Variants in PADI1 observed in about 807,000 individuals in gnomAD.
PADI1 encodes the protein peptidyl arginine deiminase 1.
PADI1 carries 65 observed loss-of-function variants against 74.8 expected under a neutral mutation model. The observed-to-expected ratio is 0.87, with a 90% CI of 0.71 to 1.07. PADI1 has a LOEUF of 1.07. Among genes scored for constraint, PADI1 ranks in the 50% least tolerant of loss-of-function variants. The probability of loss-of-function intolerance (pLI) is 0.00; values close to 1 mark genes in which losing one functional copy is unlikely to be tolerated. For synonymous variants in PADI1, 371 were observed against 336.2 expected, an observed-to-expected ratio of 1.10 and a Z score of -1.13; for missense variants, 943 against 854.0, an observed-to-expected ratio of 1.10 and a Z score of -1.30.
chr1:17,215,213 C>T (rs2071943371), intron 1 of PADI1, among the ~76,000 whole-genome samples: 1 of 152,140 alleles, frequency 6.6e-6, no homozygotes, highest in Non-Finnish European at 1.5e-5. Context: ...GAGGGAGACA[C>T]TGAGACCAGG....
chr1:17,205,915 G>A (rs34647130), intron 1 of PADI1, among the ~76,000 whole-genome samples: 307 of 152,072 alleles, frequency 2.0e-3, no homozygotes, highest in Admixed American at 4.1e-3. Context: ...TGATGATGGC[G>A]ATGATGGCGG....
Position 17,224,386 on chromosome 1 carries a change from C to T in PADI1, c.366C>T (p.Asp122=). The T allele has an allele frequency of 6.2e-7, 1 of 1,613,898 alleles. No individual in the cohort carries two copies. ...TTGCAGATATTTCCCTTGAGGTTGACACAGGCCGCACAGGCAAGGTGAAGA... is the reference window on the plus strand; with the variant it reads ...TTGCAGATATTTCCCTTGAGGTTGATACAGGCCGCACAGGCAAGGTGAAGA... ...LTGVDISLEV[D]TGRTGKVKRS... Residue 122 remains aspartate (D), a synonymous_variant, in exon 4 of 16, where the codon GAC becomes GAT. Transcript: ENST00000375471.
intron 1 of PADI1, among the ~76,000 whole-genome samples, chr1:17,215,672 A>T (rs2071958405): frequency 6.6e-6 from 1 of 151,838 alleles, no homozygotes; most frequent in Admixed American, 6.6e-5. Flanking sequence ...TGACTCAGCC[A>T]CCTCCCCGCT....
At chr1:17,242,016 T>G (rs2072788531) in intron 15 of PADI1, among the ~76,000 whole-genome samples, 1 of 152,226 alleles carries the variant, frequency 6.6e-6, no homozygotes, top group Non-Finnish European at 1.5e-5. Flanking sequence ...AGGGTCAGTG[T>G]GCTTTCCTGA....
intron 1 of PADI1, among the ~76,000 whole-genome samples, chr1:17,216,361 C>A (rs143941260): frequency 6.6e-6 from 1 of 151,886 alleles, no homozygotes; most frequent in African/African-American, 2.4e-5. Context: ...GAGGTGAGAG[C>A]GGTCAGGGTC....
At chr1:17,235,753 C>T (rs1229223796) in intron 11 of PADI1, among the ~76,000 whole-genome samples, 1 of 152,104 alleles carries the variant, frequency 6.6e-6, no homozygotes, top group African/African-American at 2.4e-5. Flanking sequence ...GTCCCAGGCT[C>T]CTGCCCCAGT....
chr1:17,219,238 C>G (rs561043745), intron 1 of PADI1, among the ~76,000 whole-genome samples: 1 of 151,590 alleles, frequency 6.6e-6, no homozygotes, highest in South Asian at 2.1e-4. Context: ...GTGGCCGCAG[C>G]GGGGGACTAT....
At chr1:17,227,575 A>T (rs147429977) in intron 6 of PADI1, among the ~76,000 whole-genome samples, 6,918 of 138,114 alleles carry the variant, frequency 0.05, 183 homozygotes, top group Middle Eastern at 0.077. Context: ...ATAAATAAAT[A>T]AATAAATTAC....
chr1:17,240,381 A>G, intron 14 of PADI1: 1 of 396,678 alleles, frequency 2.5e-6, no homozygotes, highest in Non-Finnish European at 4.7e-6. Flanking sequence ...TGTTGTGCTG[A>G]CAAGAACATT....
At chr1:17,219,868 C>T (rs1287380207) in intron 1 of PADI1, among the ~76,000 whole-genome samples, 1 of 151,982 alleles carries the variant, frequency 6.6e-6, no homozygotes, top group Non-Finnish European at 1.5e-5. Context: ...GGAGGCCATG[C>T]CTGCTATTGG....
rs750591940 is a variant in PADI1, at chr1:17,224,392, C to T, written c.372C>T (p.Gly124=). The T allele has an allele frequency of 6.8e-6, 11 of 1,613,790 alleles. No homozygotes were observed. Among genetic ancestry groups the T allele is most frequent in the Non-Finnish European group, 8.5e-6 (10 of 1,179,870 alleles). Residue 124 remains glycine (G), a synonymous_variant, in exon 4 of 16, where the codon GGC becomes GGT. Transcript: ENST00000375471. ...GVDISLEVDT[G]RTGKVKRSQG... The stretch of plus-strand genomic sequence containing the variant: ...ATATTTCCCTTGAGGTTGACACAGG[C>T]CGCACAGGCAAGGTGAAGAGGAGCC...
At chr1:17,216,532 G>T (rs1296366486) in intron 1 of PADI1, among the ~76,000 whole-genome samples, 1 of 152,096 alleles carries the variant, frequency 6.6e-6, no homozygotes, top group Admixed American at 6.6e-5. Context: ...GGGAAGGAGT[G>T]GGCATGGGGA....
chr1:17,213,589 G>A lies in PADI1; in HGVS notation c.92+8280G>A, dbSNP rs571336116. 1.3e-4 allele frequency among the ~76,000 whole-genome samples: 20 copies of A among 152,300 alleles called. No homozygotes were observed. In the South Asian group the frequency reaches 1.7e-3, roughly 13 times the overall value. On this transcript the variant is annotated intron_variant, in intron 1 of 15. Transcript: ENST00000375471. ...TTCTTTTACTCCTGCATTACCGGCC[G>A]TCATTACCCTGTGACAAGTAACACC... is the stretch of plus-strand genomic sequence containing the variant.
chr1:17,224,449 C>T, intron 4 of PADI1, 21 bp downstream of exon 4: 3 of 1,604,994 alleles, frequency 1.9e-6, no homozygotes, highest in South Asian at 2.2e-5. Context: ...TCCGGGCACC[C>T]CAAGGCTGCG....
intron 3 of PADI1, 120 bp downstream of exon 3, chr1:17,223,813 G>A: frequency 2.5e-6 from 2 of 795,042 alleles, no homozygotes; most frequent in Non-Finnish European, 2.1e-6. Flanking sequence ...ATCACTGAGG[G>A]GCTTGGATTC....
At chr1:17,243,208 C>T (rs1231590058) in intron 15 of PADI1, among the ~76,000 whole-genome samples, 2 of 152,190 alleles carry the variant, frequency 1.3e-5, no homozygotes, top group Non-Finnish European at 2.9e-5. Context: ...TAAGAAACCC[C>T]CATAGCACAG....
At chr1:17,242,659 G>A (rs1460922612) in intron 15 of PADI1, among the ~76,000 whole-genome samples, 2 of 152,202 alleles carry the variant, frequency 1.3e-5, no homozygotes, top group Admixed American at 6.5e-5. Context: ...GGGTCCCATA[G>A]GGAACACCCA....
rs1316922318 is a variant in PADI1 at position 17,230,672 on chromosome 1, G to A, written c.1154G>A (p.Arg385Lys). Residue 385 changes from arginine to lysine, a missense_variant, in exon 10 of 16, where the codon AGG becomes AAG. Transcript: ENST00000375471. ...GGCCTGAAAGATTTCCCCTATAAGA[G>A]GATCCTGGTACGTAGCGACAGGTAG... ...NRGLKDFPYKRILGPDFGYVT... is the reference protein window; with the variant it reads ...NRGLKDFPYKKILGPDFGYVT... The A allele has an allele frequency of 1.9e-6, 3 of 1,595,846 alleles. No individual in the cohort carries two copies. Among genetic ancestry groups the A allele is most frequent in the Non-Finnish European group, 2.6e-6 (3 of 1,164,846 alleles).
chr1:17,223,329 C>T (rs759572213), intron 2 of PADI1, among the ~76,000 whole-genome samples: 10 of 152,162 alleles, frequency 6.6e-5, no homozygotes, highest in Non-Finnish European at 4.4e-5. Flanking sequence ...CCCTCATCTG[C>T]CAGCTGCTCC....
Sources: allele counts gnomAD v4.1 joint callset (sites outside exome capture counted in the v4.1 genomes callset), GRCh38; gene constraint gnomAD v4.1.1; transcripts MANE v1.5; gene names NCBI Gene and HGNC (gene_info 2026-07-23, HGNC 2026-07-21).